Variants in EYA1 observed in about 807,000 individuals in gnomAD.
EYA1 encodes EYA transcriptional coactivator and phosphatase 1, also known as protein phosphatase EYA1.
Under a neutral mutation model 82.0 loss-of-function variants are expected in EYA1, and 16 were observed. That is an observed-to-expected ratio of 0.20 (90% CI 0.13 to 0.30). The LOEUF is 0.30. EYA1 is among the 10% of genes least tolerant of loss of function. The pLI is 1.00. For missense variants in EYA1, 633 were observed against 730.7 expected (o/e 0.87, Z 1.54); for synonymous variants, 261 against 264.4 (o/e 0.99, Z 0.12).
chr8:71,363,961 C>T (rs1374852965), upstream of EYA1, among the ~76,000 whole-genome samples: 1 of 151,808 alleles, frequency 6.6e-6, no homozygotes. Context: ...AAAATCAAAA[C>T]AGTGGGAATA....
At chr8:71,461,553 T>C (rs1349626739) in intron 2 of EYA1, among the ~76,000 whole-genome samples, 1 of 152,146 alleles carries the variant, frequency 6.6e-6, no homozygotes, top group African/African-American at 2.4e-5. Context: ...AGGTCTGGGC[T>C]CCCTGGAGGG....
chr8:71,283,522 C>T (rs937627792), intron 9 of EYA1, among the ~76,000 whole-genome samples: 6 of 150,328 alleles, frequency 4.0e-5, no homozygotes, highest in Admixed American at 6.8e-5. Flanking sequence ...ATCAGAGGCT[C>T]GTTAAACTTT....
At chr8:71,347,266 C>T (rs2129059609) in intron 3 of EYA1, among the ~76,000 whole-genome samples, 1 of 152,320 alleles carries the variant, frequency 6.6e-6, no homozygotes, top group African/African-American at 2.4e-5. Context: ...AGACTGGTCA[C>T]TTAAACCCTC....
At chr8:71,230,327 C>T (rs890505963) in intron 12 of EYA1, among the ~76,000 whole-genome samples, 5 of 152,188 alleles carry the variant, frequency 3.3e-5, no homozygotes, top group African/African-American at 1.2e-4. Context: ...AAGATCTAAA[C>T]CAAAAGCCTG....
At chr8:71,363,655 A>C (rs187948385), upstream of EYA1, among the ~76,000 whole-genome samples, 1 of 152,316 alleles carries the variant, frequency 6.6e-6, no homozygotes, top group Admixed American at 6.5e-5. Flanking sequence ...ATATATGCAG[A>C]AAATAAAATA....
chr8:71,309,930 A>G (rs1007779537), intron 7 of EYA1, among the ~76,000 whole-genome samples: 1 of 152,200 alleles, frequency 6.6e-6, no homozygotes, highest in African/African-American at 2.4e-5. Context: ...AATTTGTGTT[A>G]TTTTCTTCTC....
At chr8:71,222,898 G>A (rs1463267931) in intron 12 of EYA1, among the ~76,000 whole-genome samples, 2 of 152,082 alleles carry the variant, frequency 1.3e-5, no homozygotes, top group Non-Finnish European at 2.9e-5. Flanking sequence ...TTGAGTTTAG[G>A]GGACTCCAGC....
intron 3 of EYA1, among the ~76,000 whole-genome samples, chr8:71,341,987 G>T (rs992225814): frequency 1.3e-5 from 2 of 152,172 alleles, no homozygotes; most frequent in African/African-American, 4.8e-5. Flanking sequence ...GGTAAATCAC[G>T]ACTGCTCCTT....
chr8:71,376,736 GTCA>G (rs1828396470), intron 2 of EYA1, among the ~76,000 whole-genome samples: 1 of 152,152 alleles, frequency 6.6e-6, no homozygotes, highest in Admixed American at 6.5e-5. Flanking sequence ...TGATTTGACT[GTCA>G]TCTCCATTCT....
intron 2 of EYA1, among the ~76,000 whole-genome samples, chr8:71,443,923 AC>A (rs1330196549): frequency 6.6e-6 from 1 of 152,228 alleles, no homozygotes; most frequent in Non-Finnish European, 1.5e-5. Flanking sequence ...TTCTACAAAT[AC>A]CAATGAACTT....
intron 2 of EYA1, among the ~76,000 whole-genome samples, chr8:71,398,828 G>C (rs562606728): frequency 7.4e-4 from 113 of 152,344 alleles, no homozygotes; most frequent in African/African-American, 2.6e-3. Flanking sequence ...AAAGCTGTCA[G>C]ACAGAGACAT....
chr8:71,313,802 C>T (rs1563447808), intron 7 of EYA1, among the ~76,000 whole-genome samples: 2 of 152,118 alleles, frequency 1.3e-5, no homozygotes, highest in South Asian at 2.1e-4. Context: ...TCTGATAGAA[C>T]CAAAGAGCTG....
intron 9 of EYA1, among the ~76,000 whole-genome samples, chr8:71,283,592 T>C (rs1419197197): frequency 6.6e-6 from 1 of 152,184 alleles, no homozygotes. Context: ...AAAATGCACA[T>C]GATCATTGAT....
intron 12 of EYA1, among the ~76,000 whole-genome samples, chr8:71,217,964 T>C (rs1809426143): frequency 6.6e-6 from 1 of 152,124 alleles, no homozygotes; most frequent in South Asian, 2.1e-4. Flanking sequence ...TCAATAAACA[T>C]TTGTTGAATG....
At chr8:71,388,622 C>A (rs1179972504) in intron 2 of EYA1, among the ~76,000 whole-genome samples, 1 of 152,058 alleles carries the variant, frequency 6.6e-6, no homozygotes, top group Non-Finnish European at 1.5e-5. Context: ...AAAGAACAAC[C>A]ATATTATTCC....
In EYA1 at chr8:71,271,837, C is replaced by T. The variant is rs181191349; in HGVS notation, c.887G>A (p.Arg296His). The T allele has an allele frequency of 1.5e-4, 236 of 1,614,088 alleles. 1 individual carries two copies. The highest frequency in any genetic ancestry group is 2.4e-4 in the African/African-American group (18 of 75,008). Residue 296 changes from arginine to histidine, a missense_variant, in exon 10 of 18, where the codon CGT becomes CAT. By Grantham distance (29) the Arg-to-His change is conservative. Transcript: ENST00000340726. ...ACGTGATTTCCCATCTGAACCTCGA[C>T]GCAATCGATCAGAATCTGAATCTTT... ...PIKDSDSDRL[R>H]RGSDGKSRGR... is the part of the protein sequence containing the mutation.
At chr8:71,308,298 C>T (rs1413503538) in intron 7 of EYA1, among the ~76,000 whole-genome samples, 2 of 152,128 alleles carry the variant, frequency 1.3e-5, no homozygotes, top group African/African-American at 4.8e-5. Flanking sequence ...ATCAAAGGAT[C>T]CCATTTTTAA....
At chr8:71,289,955 C>T (rs1423366633) in intron 9 of EYA1, among the ~76,000 whole-genome samples, 3 of 151,998 alleles carry the variant, frequency 2.0e-5, no homozygotes, top group African/African-American at 7.3e-5. Context: ...AAAAGAGAGG[C>T]GGGGGACAGT....
chr8:71,393,568 A>G (rs1362295293), intron 2 of EYA1, among the ~76,000 whole-genome samples: 2 of 152,134 alleles, frequency 1.3e-5, no homozygotes, highest in Non-Finnish European at 2.9e-5. Context: ...TCCTTGTGAT[A>G]GTTTGCTCAG....
Sources: gnomAD v4.1 joint callset for allele counts (sites outside exome capture counted in the v4.1 genomes callset) on GRCh38, gnomAD v4.1.1 for gene constraint, MANE v1.5 for transcripts, NCBI Gene and HGNC (gene_info 2026-07-23, HGNC 2026-07-21) for gene names.